The following PHF24 variants were observed in gnomAD, a reference collection of about 807,000 sequenced individuals.
The protein encoded by PHF24 is Galpha inhibitory interacting protein.
A neutral mutation model predicts 42.6 loss-of-function variants in PHF24; 25 were observed. The observed-to-expected ratio is 0.59, with a 90% CI of 0.43 to 0.82. The LOEUF (loss-of-function observed/expected upper bound fraction) is 0.82, where lower values mean the gene tolerates loss of function less well. Ranked by LOEUF, PHF24 falls within the 40% of genes least tolerant of loss-of-function variation. The probability of loss-of-function intolerance (pLI) is 0.00; values close to 1 mark genes in which losing one functional copy is unlikely to be tolerated. For missense variants in PHF24, 470 were observed against 538.1 expected (o/e 0.87, Z 1.25); for synonymous variants, 185 against 204.8 (o/e 0.90, Z 0.83).
At chr9:34,911,724 A>C in the PHF24 span, among the ~76,000 whole-genome samples, 3 of 152,184 alleles carry the variant, frequency 2.0e-5, no homozygotes, top group Non-Finnish European at 4.4e-5. Flanking sequence ...AAAAAAAAAA[A>C]ACTGTCCAGC....
the PHF24 span, among the ~76,000 whole-genome samples, chr9:34,767,490 G>A: frequency 3.9e-4 from 59 of 152,344 alleles, no homozygotes; most frequent in East Asian, 2.7e-3. Flanking sequence ...GACTCCGTGC[G>A]CGTAGGACCC....
the PHF24 span, chr9:34,665,771 A>G: frequency 3.0e-6 from 2 of 662,494 alleles, no homozygotes; most frequent in African/African-American, 3.6e-5. Context: ...TTCTCAGGTA[A>G]TCTGAGGCTG....
At chr9:34,811,694 C>G in the PHF24 span, among the ~76,000 whole-genome samples, 1 of 152,132 alleles carries the variant, frequency 6.6e-6, no homozygotes, top group East Asian at 1.9e-4. Flanking sequence ...AGGCTAAAAT[C>G]TCTTAGAAGG....
chr9:34,697,657 T>C, the PHF24 span, among the ~76,000 whole-genome samples: 1 of 152,222 alleles, frequency 6.6e-6, no homozygotes, highest in African/African-American at 2.4e-5. Context: ...GCTGATGCTG[T>C]GGTCCTTGGA....
the PHF24 span, among the ~76,000 whole-genome samples, chr9:34,827,902 G>T: frequency 5.9e-5 from 9 of 152,020 alleles, no homozygotes; most frequent in African/African-American, 2.2e-4. Context: ...TGTTGCTCAG[G>T]TTCCATGCAT....
the PHF24 span, among the ~76,000 whole-genome samples, chr9:34,779,863 G>C: frequency 1.3e-5 from 2 of 152,122 alleles, no homozygotes; most frequent in Non-Finnish European, 2.9e-5. Flanking sequence ...GTAGCTGGGA[G>C]TACAGGCGCC....
the PHF24 span, among the ~76,000 whole-genome samples, chr9:34,853,827 C>CA: frequency 0.081 from 6,040 of 74,418 alleles, 388 homozygotes; most frequent in African/African-American, 0.23. Flanking sequence ...GACTCCGTCT[C>CA]AAAAAAAAAA....
chr9:34,975,696 C>CT (rs879481586), intron 3 of PHF24, among the ~76,000 whole-genome samples: 2,070 of 144,994 alleles, frequency 0.014, 48 homozygotes, highest in African/African-American at 0.044. Flanking sequence ...TAGGATTAAA[C>CT]TTTTTTTTTT....
At chr9:34,777,250 G>C in the PHF24 span, among the ~76,000 whole-genome samples, 1 of 152,198 alleles carries the variant, frequency 6.6e-6, no homozygotes, top group Non-Finnish European at 1.5e-5. Flanking sequence ...TGGGTGGGGA[G>C]GTTCTCAGGA....
At chr9:34,833,490 C>T in the PHF24 span, 5 of 1,551,072 alleles carry the variant, frequency 3.2e-6, no homozygotes, top group Non-Finnish European at 3.5e-6. Flanking sequence ...AGCAATGTCT[C>T]CCCTTGGTGG....
At chr9:34,942,864 G>C in the PHF24 span, among the ~76,000 whole-genome samples, 42 of 138,516 alleles carry the variant, frequency 3.0e-4, 1 homozygote, top group Admixed American at 2.9e-3. Flanking sequence ...TGGGGGGCAG[G>C]GGGGAGGCAT....
the PHF24 span, among the ~76,000 whole-genome samples, chr9:34,686,640 T>C: frequency 6.6e-6 from 1 of 152,132 alleles, no homozygotes; most frequent in Non-Finnish European, 1.5e-5. Flanking sequence ...CAGATACTTT[T>C]AGGGAGATAT....
chr9:34,669,209 A>G, the PHF24 span, among the ~76,000 whole-genome samples: 3 of 152,282 alleles, frequency 2.0e-5, no homozygotes, highest in East Asian at 3.9e-4. Context: ...GTATCATGTC[A>G]TGAGTGTGTG....
the PHF24 span, among the ~76,000 whole-genome samples, chr9:34,750,625 T>C: frequency 2.6e-5 from 4 of 152,126 alleles, 1 homozygote; most frequent in East Asian, 5.8e-4. Context: ...ATCAGTGTTA[T>C]AATCAGTTTA....
the PHF24 span, among the ~76,000 whole-genome samples, chr9:34,807,223 C>G: frequency 2.0e-5 from 3 of 152,064 alleles, no homozygotes; most frequent in Non-Finnish European, 4.4e-5. Flanking sequence ...TCATTCTATT[C>G]CTAGTTTGTT....
the PHF24 span, among the ~76,000 whole-genome samples, chr9:34,715,210 C>T: frequency 6.6e-6 from 1 of 152,050 alleles, no homozygotes; most frequent in Non-Finnish European, 1.5e-5. Context: ...GATGGGATAG[C>T]GAGTCCCTAC....
chr9:34,879,797 C>A, the PHF24 span, among the ~76,000 whole-genome samples: 8 of 152,322 alleles, frequency 5.3e-5, no homozygotes, highest in East Asian at 7.7e-4. Context: ...TCCAGGAGAA[C>A]TTCCCCAATC....
At chr9:34,746,898 C>T in the PHF24 span, among the ~76,000 whole-genome samples, 1 of 152,196 alleles carries the variant, frequency 6.6e-6, no homozygotes, top group East Asian at 1.9e-4. Context: ...TAGAATATAA[C>T]ATAGAAGACT....
the PHF24 span, among the ~76,000 whole-genome samples, chr9:34,765,739 T>C: frequency 1.6e-4 from 24 of 152,272 alleles, 1 homozygote; most frequent in South Asian, 2.3e-3. Context: ...TTGAACCTGT[T>C]GTTATGATGT....
Sources: gnomAD v4.1 joint callset for allele counts (sites outside exome capture counted in the v4.1 genomes callset) on GRCh38, gnomAD v4.1.1 for gene constraint, MANE v1.5 for transcripts, NCBI Gene and HGNC (gene_info 2026-07-23, HGNC 2026-07-21) for gene names.